PDIA6: variants seen among roughly 807,000 people sequenced by gnomAD.
The protein encoded by PDIA6 is protein disulfide-isomerase A6.
A neutral mutation model predicts 58.4 loss-of-function variants in PDIA6; 29 were observed. That is an observed-to-expected ratio of 0.50 (90% CI 0.37 to 0.68). The LOEUF (loss-of-function observed/expected upper bound fraction) is 0.68, where lower values mean the gene tolerates loss of function less well. Among genes scored for constraint, PDIA6 ranks in the 30% least tolerant of loss-of-function variants. PDIA6 has a pLI of 0.00. For synonymous variants in PDIA6, 192 were observed against 202.6 expected (o/e 0.95, Z 0.44); for missense variants, 480 against 551.0 (o/e 0.87, Z 1.29).
intron 4 of PDIA6, among the ~76,000 whole-genome samples, chr2:10,794,060 C>CTGTGTTAG (rs1273506201): frequency 2.0e-5 from 3 of 152,042 alleles, no homozygotes; most frequent in Non-Finnish European, 2.9e-5. Context: ...CAGTCAGGGG[C>CTGTGTTAG]TATTAACTAA....
At chr2:10,834,612 T>A (rs1415302134), upstream of PDIA6, among the ~76,000 whole-genome samples, 1 of 151,646 alleles carries the variant, frequency 6.6e-6, no homozygotes, top group African/African-American at 2.4e-5. Context: ...CCTTCTTTGT[T>A]ATGAACACTA....
chr2:10,809,032 C>T (rs371446240), intron 1 of PDIA6, among the ~76,000 whole-genome samples: 15 of 152,262 alleles, frequency 9.9e-5, no homozygotes, highest in East Asian at 3.9e-4. Flanking sequence ...TGGTCTTGAA[C>T]TCCTGACCTC....
chr2:10,794,149 G>A (rs1666160971), intron 4 of PDIA6, among the ~76,000 whole-genome samples: 1 of 152,106 alleles, frequency 6.6e-6, no homozygotes, highest in African/African-American at 2.4e-5. Flanking sequence ...AATCTCTTTA[G>A]AAAGTTCATT....
At chr2:10,794,235 CAGG>C (rs1666164825) in intron 4 of PDIA6, among the ~76,000 whole-genome samples, 1 of 151,352 alleles carries the variant, frequency 6.6e-6, no homozygotes, top group East Asian at 2.0e-4. Context: ...CACCTGAGGT[CAGG>C]AGTTCAAGAC....
At chr2:10,810,289 GGAGA>G in intron 1 of PDIA6, 1 of 1,534,828 alleles carries the variant, frequency 6.5e-7, no homozygotes, top group Non-Finnish European at 8.7e-7. Flanking sequence ...CCGAAGGGCT[GGAGA>G]ATGCAGGGGT....
intron 8 of PDIA6, 80 bp downstream of exon 8, chr2:10,789,669 A>G: frequency 2.4e-6 from 3 of 1,264,244 alleles, no homozygotes; most frequent in Middle Eastern, 1.9e-4. Context: ...CATAAAATGA[A>G]CAGTGTGTCA....
chr2:10,819,033 G>C (rs1371419554), intron 2 of PDIA6, among the ~76,000 whole-genome samples: 1 of 152,066 alleles, frequency 6.6e-6, no homozygotes, highest in Non-Finnish European at 1.5e-5. Flanking sequence ...CATGTAAGTA[G>C]AATCCTATAG....
chr2:10,827,357 C>T (rs904212513), intron 1 of PDIA6, among the ~76,000 whole-genome samples: 5 of 152,104 alleles, frequency 3.3e-5, no homozygotes, highest in Non-Finnish European at 5.9e-5. Context: ...GCCACCGCAC[C>T]CAGCCTTATT....
At chr2:10,788,119 G>A (rs1481035860) in intron 10 of PDIA6, among the ~76,000 whole-genome samples, 2 of 150,430 alleles carry the variant, frequency 1.3e-5, no homozygotes, top group African/African-American at 4.9e-5. Flanking sequence ...TTGAAAATGT[G>A]CCTAGATCCA....
At chr2:10,836,250 C>T (rs1231698759), upstream of PDIA6, among the ~76,000 whole-genome samples, 3 of 152,178 alleles carry the variant, frequency 2.0e-5, no homozygotes, top group African/African-American at 7.2e-5. Flanking sequence ...TCCCACACTC[C>T]CTTAAGGCAC....
intron 1 of PDIA6, among the ~76,000 whole-genome samples, chr2:10,810,827 G>A (rs566311199): frequency 6.6e-6 from 1 of 152,156 alleles, no homozygotes; most frequent in South Asian, 2.1e-4. Context: ...GTAGGTCAAT[G>A]CTGACCAATG....
rs1572655479 is a variant in PDIA6, at chr2:10,790,747, A to C, written c.671T>G (p.Val224Gly). Residue 224 changes from valine (V) to glycine (G), a missense_variant, in exon 7 of 13, where the codon GTC becomes GGC. Coordinates refer to ENST00000272227, the MANE Select transcript of PDIA6 (RefSeq NM_005742.4). ...KVKLAAVDAT[V>G]NQVLASRYGI... The stretch of plus-strand genomic sequence containing the variant: ...GTATCGGGAGGCCAGAACCTGATTG[A>C]CTGTAGCATCCACAGCTGCCAGTTT... The C allele has an allele frequency of 6.2e-7, 1 of 1,613,894 alleles. No individual in the cohort carries two copies. The highest frequency in any genetic ancestry group is 8.5e-7 in the Non-Finnish European group (1 of 1,179,768).
At chr2:10,810,327 T>TA (rs1666951158) in intron 1 of PDIA6, 1 of 1,529,342 alleles carries the variant, frequency 6.5e-7, no homozygotes, top group African/African-American at 1.4e-5. Context: ...CATCATTAGG[T>TA]AGACTGTGGC....
chr2:10,805,840 C>T (rs1295793709), intron 1 of PDIA6, among the ~76,000 whole-genome samples: 1 of 89,644 alleles, frequency 1.1e-5, no homozygotes, highest in African/African-American at 3.4e-5. Flanking sequence ...TATTCTCACT[C>T]ATAGGTGGGA....
At chr2:10,832,438 T>G (rs1667735147) in exon 1 of PDIA6, 3 of 985,480 alleles carry the variant, frequency 3.0e-6, no homozygotes, top group South Asian at 4.7e-5. Flanking sequence ...AATTCCTGTT[T>G]GAAGCACGAG....
chr2:10,812,793 G>A (rs1339818232), upstream of PDIA6: 4 of 1,237,008 alleles, frequency 3.2e-6, no homozygotes, highest in Admixed American at 1.8e-4. Flanking sequence ...CCCGCCCCAG[G>A]CCAGTCCGGT....
chr2:10,831,864 T>G (rs1667718395), intron 1 of PDIA6, among the ~76,000 whole-genome samples: 1 of 151,682 alleles, frequency 6.6e-6, no homozygotes, highest in Non-Finnish European at 1.5e-5. Context: ...GGGGTGTGAA[T>G]GTCCTCTCCT....
chr2:10,794,246 G>C (rs1234523056), intron 4 of PDIA6, among the ~76,000 whole-genome samples: 1 of 151,882 alleles, frequency 6.6e-6, no homozygotes, highest in Non-Finnish European at 1.5e-5. Context: ...AGGAGTTCAA[G>C]ACCATCCTGC....
chr2:10,830,030 C>T lies in PDIA6; in HGVS notation c.-48+2172G>A, dbSNP rs11687961. ...TCTCTGCCTAGGATGCTTCTCTGCC[C>T]CCCACTACCTTGGCTGACACTCAAC... On this transcript the variant is annotated intron_variant, in intron 1 of 13. Coordinates refer to the PDIA6 transcript ENST00000381611. Among the ~76,000 whole-genome samples the T allele has an allele frequency of 3.7e-3, 569 of 152,312 alleles. 3 individuals are homozygous for T. The highest frequency in any genetic ancestry group is 0.013 in the African/African-American group (553 of 41,558).
Sources: allele counts gnomAD v4.1 joint callset (sites outside exome capture counted in the v4.1 genomes callset), GRCh38; gene constraint gnomAD v4.1.1; transcripts MANE v1.5; gene names NCBI Gene and HGNC (gene_info 2026-07-23, HGNC 2026-07-21).